ANKRD60: variants seen among roughly 807,000 people sequenced by gnomAD.
The protein encoded by ANKRD60 is ankyrin repeat domain 60.
Under a neutral mutation model 21.3 loss-of-function variants are expected in ANKRD60, and 24 were observed. The ratio of observed to expected loss-of-function variants is 1.13; its 90% CI spans 0.82 to 1.59. The LOEUF is 1.59. ANKRD60 is among the 40% of genes most tolerant of loss of function. The probability of loss-of-function intolerance (pLI) is 0.00; values close to 1 mark genes in which losing one functional copy is unlikely to be tolerated. For missense variants in ANKRD60, 490 were observed against 466.7 expected (o/e 1.05, Z -0.46); for synonymous variants, 182 against 199.4 (o/e 0.91, Z 0.74).
downstream of ANKRD60, among the ~76,000 whole-genome samples, chr20:58,216,877 G>T (rs547022516): frequency 1.8e-3 from 277 of 152,352 alleles, 3 homozygotes; most frequent in Middle Eastern, 6.8e-3. Flanking sequence ...AGAAGGTAGA[G>T]CTTTAGAGAA....
chr20:58,221,921 G>C (rs549448176), intron 2 of ANKRD60, among the ~76,000 whole-genome samples: 124 of 152,268 alleles, frequency 8.1e-4, no homozygotes, highest in Middle Eastern at 6.8e-3. Flanking sequence ...TGTGCCCACT[G>C]TCTCCATTAG....
chr20:58,220,818 G>A (rs988450691), intron 3 of ANKRD60, among the ~76,000 whole-genome samples: 8 of 151,872 alleles, frequency 5.3e-5, no homozygotes, highest in East Asian at 1.9e-4. Context: ...TAGTAGAGAC[G>A]GGGTTTCACC....
rs936819640 is a variant in ANKRD60 at position 58,228,566 on chromosome 20, G to A, written c.88C>T (p.Arg30Cys). 4.9e-6 allele frequency: 6 copies of A among 1,216,394 alleles called. No homozygotes were observed. The African/African-American group carries it at 8.0e-5, about 16-fold the overall frequency. The allele number at this position is 1,216,394 out of a possible 1,614,324, so 75.4% of individuals were successfully genotyped here. ...CTGCGTCCCGCATTGGGGTGCAGGC[G>A]AGAGGCGCCCCCAGTTGGCCCCGCC... The change falls in exon 1 of 4, where the codon CGC (arginine) becomes TGC (cysteine). Residue 30 changes from arginine to cysteine, a missense_variant. Transcript: ENST00000457363. The surrounding 1 kb of genome is among the most constrained non-coding windows in gnomAD (Gnocchi z 5.3).
At chr20:58,220,030 C>T (rs562224686) in intron 3 of ANKRD60, among the ~76,000 whole-genome samples, 17 of 152,294 alleles carry the variant, frequency 1.1e-4, no homozygotes, top group African/African-American at 3.1e-4. Flanking sequence ...CCCAATCATC[C>T]GGCCCAGGAA....
At chr20:58,225,659 G>GC (rs1293866220) in intron 1 of ANKRD60, among the ~76,000 whole-genome samples, 1 of 152,200 alleles carries the variant, frequency 6.6e-6, no homozygotes, top group African/African-American at 2.4e-5. Flanking sequence ...GCAGCACCAA[G>GC]CCCGTGGAGG....
Position 58,228,445 on chromosome 20 carries a change from C to T in ANKRD60, c.209G>A (p.Arg70His), listed in dbSNP as rs1411570983. 3 of 1,539,740 alleles carry T rather than the reference C, an allele frequency of 1.9e-6. No homozygotes were observed. In the Admixed American group the frequency reaches 5.9e-5, roughly 30 times the overall value. The change falls in exon 1 of 4, where the codon CGC becomes CAC. Residue 70 changes from arginine (R) to histidine (H), a missense_variant. Physicochemically the swap from Arg to His is conservative, Grantham distance 29. Transcript: ENST00000457363. This position sits in a 1 kb window ranked among gnomAD's most constrained non-coding sequence, Gnocchi z 5.3. ...ACAGACGAGCCGCTGGCTCCGGCCGCGGGCACAGGCCAGGGGCTGCGCGGG... is the reference window on the plus strand; with the variant it reads ...ACAGACGAGCCGCTGGCTCCGGCCGTGGGCACAGGCCAGGGGCTGCGCGGG...
chr20:58,219,982 CT>C (rs1391819289), intron 3 of ANKRD60, among the ~76,000 whole-genome samples: 2 of 152,210 alleles, frequency 1.3e-5, no homozygotes, highest in African/African-American at 2.4e-5. Context: ...TTGAGGTAAC[CT>C]TTACCCATCA....
intron 3 of ANKRD60, 126 bp from the exon 4 acceptor site, chr20:58,218,931 GC>G: frequency 2.4e-6 from 2 of 832,768 alleles, no homozygotes; most frequent in Non-Finnish European, 3.6e-6. Flanking sequence ...GTACTGCCCT[GC>G]CCCCAGTCCA....
At chr20:58,218,728 T>C in exon 4 of ANKRD60, 1 of 1,551,680 alleles carries the variant, frequency 6.4e-7, no homozygotes, top group Non-Finnish European at 8.7e-7. Flanking sequence ...AGGAGGATTA[T>C]ACAGTCTGAC....
chr20:58,224,226 A>T (rs1317810157), intron 1 of ANKRD60, among the ~76,000 whole-genome samples: 1 of 152,178 alleles, frequency 6.6e-6, no homozygotes, highest in African/African-American at 2.4e-5. Flanking sequence ...TTGGAGTACC[A>T]GAGCTCCTTA....
intron 1 of ANKRD60, among the ~76,000 whole-genome samples, chr20:58,224,141 T>C (rs1984320734): frequency 6.6e-6 from 1 of 151,214 alleles, no homozygotes; most frequent in South Asian, 2.1e-4. Flanking sequence ...AAATGGGCTC[T>C]GGGGGACAAA....
chr20:58,220,857 T>C (rs534117656), intron 3 of ANKRD60, among the ~76,000 whole-genome samples: 1 of 152,232 alleles, frequency 6.6e-6, no homozygotes, highest in South Asian at 2.1e-4. Context: ...GGTTGTGAAC[T>C]CCTGACCTCA....
rs535711300 is a variant in ANKRD60 at position 58,220,655 on chromosome 20, G to A, written c.727+683C>T. Among the ~76,000 whole-genome samples the A allele has an allele frequency of 3.3e-5, 5 of 151,996 alleles. No individual in the cohort carries two copies. In the East Asian group the frequency reaches 9.7e-4, roughly 29 times the overall value. On this transcript the variant is annotated intron_variant, in intron 3 of 3. Coordinates refer to ENST00000457363, the Ensembl canonical transcript of ANKRD60. ...ATCCACCACAGAGCTGTGCTGGCTGGAAGGTGGACTATTTTGGGGTTTTTT... is the reference window on the plus strand; with the variant it reads ...ATCCACCACAGAGCTGTGCTGGCTGAAAGGTGGACTATTTTGGGGTTTTTT...
At chr20:58,222,572 G>C (rs573703385) in intron 2 of ANKRD60, among the ~76,000 whole-genome samples, 35 of 152,216 alleles carry the variant, frequency 2.3e-4, no homozygotes, top group African/African-American at 6.0e-4. Context: ...CCCACCCCTA[G>C]AGCCCAGCTG....
downstream of ANKRD60, among the ~76,000 whole-genome samples, chr20:58,217,814 G>A (rs1972028605): frequency 6.6e-6 from 1 of 152,090 alleles, no homozygotes; most frequent in Non-Finnish European, 1.5e-5. Flanking sequence ...ACTGGAGATG[G>A]GACAAAAGAG....
chr20:58,225,383 A>T (rs552383488), intron 1 of ANKRD60, among the ~76,000 whole-genome samples: 6 of 152,364 alleles, frequency 3.9e-5, no homozygotes, highest in African/African-American at 1.2e-4. Flanking sequence ...TGTTAAATAC[A>T]GAGTAGGCTC....
At chr20:58,227,409 G>A (rs1741395098) in intron 1 of ANKRD60, among the ~76,000 whole-genome samples, 1 of 152,062 alleles carries the variant, frequency 6.6e-6, no homozygotes, top group African/African-American at 2.4e-5. Context: ...TGGAAAATCT[G>A]GGGTTCTGAG....
rs1349734346 is a variant in ANKRD60 at position 58,224,128 on chromosome 20, A to G, written c.431-946T>C. Among the ~76,000 whole-genome samples the G allele has an allele frequency of 2.0e-5, 3 of 151,658 alleles. No individual in the cohort carries two copies. In the South Asian group the frequency reaches 6.2e-4, roughly 32 times the overall value. ...AAAAAAAAAAAAGGCTCCAGACATT[A>G]CCAAATGGGCTCTGGGGGACAAAAT... On this transcript the variant is annotated intron_variant, in intron 1 of 3. Coordinates refer to ENST00000457363, the Ensembl canonical transcript of ANKRD60.
chr20:58,228,298 C>T lies in ANKRD60; in HGVS notation c.356G>A (p.Arg119Gln), dbSNP rs1185221935. 1.9e-6 allele frequency: 3 copies of T among 1,551,378 alleles called. No individual in the cohort carries two copies. The highest frequency in any genetic ancestry group is 3.9e-5 in the Admixed American group (2 of 50,990). Residue 119 changes from arginine (R) to glutamine (Q), a missense_variant, in exon 1 of 4, where the codon CGG becomes CAG. By Grantham distance (43) the Arg-to-Gln change is conservative (BLOSUM62 1). Transcript: ENST00000457363. This position sits in a 1 kb window ranked among gnomAD's most constrained non-coding sequence, Gnocchi z 5.3. ...CAGGTCCAGCTCCTCTTTGAGCTCC[C>T]GCACGGTCATGTCGCCGCGGCAGTT...
Sources: allele counts gnomAD v4.1 joint callset (sites outside exome capture counted in the v4.1 genomes callset), GRCh38; gene constraint gnomAD v4.1.1; non-coding constraint Gnocchi (gnomAD v3.1); transcripts MANE v1.5; gene names NCBI Gene and HGNC (gene_info 2026-07-23, HGNC 2026-07-21).